PACSIN1: variants seen among roughly 807,000 people sequenced by gnomAD.
PACSIN1 encodes the protein protein kinase C and casein kinase substrate in neurons protein 1.
In PACSIN1, 15 loss-of-function variants were observed where a neutral mutation model predicts 59.5. That is an observed-to-expected ratio of 0.25 (90% CI 0.17 to 0.39). The LOEUF (loss-of-function observed/expected upper bound fraction) is 0.39, where lower values mean the gene tolerates loss of function less well. PACSIN1 is among the 10% of genes least tolerant of loss of function. PACSIN1 has a pLI of 1.00. For synonymous variants in PACSIN1, 210 were observed against 220.6 expected (o/e 0.95, Z 0.42); for missense variants, 420 against 580.2 (o/e 0.72, Z 2.84).
intron 1 of PACSIN1, among the ~76,000 whole-genome samples, chr6:34,489,462 G>A (rs751159628): frequency 4.6e-5 from 7 of 152,118 alleles, no homozygotes; most frequent in African/African-American, 9.7e-5. Flanking sequence ...GGTGAGACCC[G>A]CAGGCCTCCA....
At chr6:34,520,463 G>A (rs976818570) in intron 1 of PACSIN1, among the ~76,000 whole-genome samples, 1 of 152,170 alleles carries the variant, frequency 6.6e-6, no homozygotes, top group Non-Finnish European at 1.5e-5. Flanking sequence ...AGGAGCAGGG[G>A]CAGGGGAAGG....
rs1479669196 is a variant in PACSIN1 at position 34,533,413 on chromosome 6, C to A, written c.*883C>A. 1 of 152,320 alleles carries A rather than the reference C, an allele frequency of 6.6e-6. No individual in the cohort carries two copies. Among genetic ancestry groups the A allele is most frequent in the Non-Finnish European group, 1.5e-5 (1 of 68,106 alleles). The allele number at this position is 152,320 out of a possible 1,614,324, so 9.4% of individuals were successfully genotyped here. The stretch of plus-strand genomic sequence containing the variant: ...TGGCCTAGGGTGGGGACCCCCAAAC[C>A]TACGGCAAAGCCAGCAACAGTAGCA... On this transcript the variant is annotated 3_prime_UTR_variant, in exon 10 of 10. Transcript: ENST00000244458.
rs1324361586 is a variant in PACSIN1 at position 34,532,527 on chromosome 6, C to A, written c.1332C>A (p.Ile444=). Reference sequence around the variant, plus strand: ...ACCCTGCCAACTACGTGGAGGCTATCTAGAGGCCCCCTCCCTCCATACTCC... The same window carrying A: ...ACCCTGCCAACTACGTGGAGGCTATATAGAGGCCCCCTCCCTCCATACTCC... ...GLYPANYVEA[I] Residue 444 remains isoleucine, a synonymous_variant, in exon 10 of 10, where the codon ATC becomes ATA. Transcript: ENST00000244458. The surrounding 1 kb of genome is among the most constrained non-coding windows in gnomAD (Gnocchi z 5.2). 2 of 1,534,462 alleles carry A rather than the reference C, an allele frequency of 1.3e-6. No individual in the cohort carries two copies. Among genetic ancestry groups the A allele is most frequent in the Non-Finnish European group, 1.8e-6 (2 of 1,133,172 alleles).
Position 34,530,297 on chromosome 6 carries a change from G to A in PACSIN1, c.843G>A (p.Gln281=). ...LEQAIRGADA[Q]EDLRWFRSTS... is the part of the protein sequence containing the mutation. ...AGGCCATCCGGGGGGCTGATGCCCA[G>A]GAAGACCTCAGATGGTTCCGCAGCA... The change falls in exon 7 of 10, where the codon CAG becomes CAA. Residue 281 remains glutamine (Q), a synonymous_variant. Transcript: ENST00000244458. This position sits in a 1 kb window ranked among gnomAD's most constrained non-coding sequence, Gnocchi z 4.4. 1 of 1,614,136 alleles carries A rather than the reference G, an allele frequency of 6.2e-7. No homozygotes were observed. The highest frequency in any genetic ancestry group is 8.5e-7 in the Non-Finnish European group (1 of 1,180,008).
intron 1 of PACSIN1, among the ~76,000 whole-genome samples, chr6:34,474,456 G>T (rs1030026703): frequency 6.6e-6 from 1 of 152,064 alleles, no homozygotes; most frequent in Non-Finnish European, 1.5e-5. Context: ...CTCTGCTAAA[G>T]CTCTTCAATG....
chr6:34,525,097 G>A lies in PACSIN1; in HGVS notation c.-63-1146G>A, dbSNP rs1249740986. Among the ~76,000 whole-genome samples, 1 of 152,224 alleles carries A rather than the reference G, an allele frequency of 6.6e-6. No homozygotes were observed. Among genetic ancestry groups the A allele is most frequent in the African/African-American group, 2.4e-5 (1 of 41,454 alleles). On this transcript the variant is annotated intron_variant, in intron 1 of 9. Coordinates refer to ENST00000244458, the MANE Select transcript of PACSIN1 (RefSeq NM_020804.5). This position sits in a 1 kb window ranked among gnomAD's most constrained non-coding sequence, Gnocchi z 4.9. ...CTGCTTTATAAGTGAAAAGTGCCAA[G>A]TTAAGAAAAGAAAAATTCAGACTCA...
intron 1 of PACSIN1, among the ~76,000 whole-genome samples, chr6:34,487,790 A>T (rs1323774981): frequency 2.6e-5 from 4 of 152,164 alleles, no homozygotes; most frequent in Non-Finnish European, 5.9e-5. Flanking sequence ...CAATGCCCAG[A>T]GAGGGACTCA....
In PACSIN1 at chr6:34,529,394, C is replaced by G; in HGVS notation, c.457-3C>G. 1 of 1,614,120 alleles carries G rather than the reference C, an allele frequency of 6.2e-7. No homozygotes were observed. The highest frequency in any genetic ancestry group is 8.5e-7 in the Non-Finnish European group (1 of 1,180,018). On this transcript the variant is annotated splice_region_variant and splice_polypyrimidine_tract_variant and intron_variant, in intron 4 of 9. Transcript: ENST00000244458. This position sits in a 1 kb window ranked among gnomAD's most constrained non-coding sequence, Gnocchi z 6.3. ...CCTACTCCCTATTCCCCCCTCCCCACAGCTGGAGGCAGCCAAGAAGGCCTA... is the reference window on the plus strand; with the variant it reads ...CCTACTCCCTATTCCCCCCTCCCCAGAGCTGGAGGCAGCCAAGAAGGCCTA...
chr6:34,534,245 A>G lies in PACSIN1; in HGVS notation c.*1715A>G, dbSNP rs3734362. On this transcript the variant is annotated 3_prime_UTR_variant, in exon 10 of 10. Transcript: ENST00000244458. Reference sequence around the variant, plus strand: ...GCTCTGACCTTCTTCATGTGGGCACAGAGGGTCCTGACACTCTGGCAGGGC... The same window carrying G: ...GCTCTGACCTTCTTCATGTGGGCACGGAGGGTCCTGACACTCTGGCAGGGC... The G allele has an allele frequency of 0.051, 7,810 of 152,448 alleles. 374 individuals carry two copies. The highest frequency in any genetic ancestry group is 0.11 in the African/African-American group (4,732 of 41,548). The allele number at this position is 152,448 out of a possible 1,614,324, so 9.4% of individuals were successfully genotyped here.
chr6:34,480,935 G>T (rs1766709727), intron 1 of PACSIN1, among the ~76,000 whole-genome samples: 1 of 149,958 alleles, frequency 6.7e-6, no homozygotes, highest in Non-Finnish European at 1.5e-5. Flanking sequence ...TTAGAATTTA[G>T]TTTTCATTAT....
chr6:34,477,514 A>G (rs1345584059), intron 1 of PACSIN1, among the ~76,000 whole-genome samples: 2 of 152,146 alleles, frequency 1.3e-5, no homozygotes, highest in Non-Finnish European at 2.9e-5. Context: ...CCAGGGGCAC[A>G]GAAAGATGAG....
At chr6:34,485,797 G>A (rs1766784970) in intron 1 of PACSIN1, among the ~76,000 whole-genome samples, 1 of 152,214 alleles carries the variant, frequency 6.6e-6, no homozygotes, top group Non-Finnish European at 1.5e-5. Flanking sequence ...TGGTGTCTGA[G>A]GAGCCCAGAG....
rs1343300620 is a variant in PACSIN1 at position 34,521,372 on chromosome 6, C to T, written c.-63-4871C>T. Among the ~76,000 whole-genome samples, 1 of 152,156 alleles carries T rather than the reference C, an allele frequency of 6.6e-6. No homozygotes were observed. Among genetic ancestry groups the T allele is most frequent in the Non-Finnish European group, 1.5e-5 (1 of 68,016 alleles). On this transcript the variant is annotated intron_variant, in intron 1 of 9. Transcript: ENST00000244458. This position sits in a 1 kb window ranked among gnomAD's most constrained non-coding sequence, Gnocchi z 4.3. The stretch of plus-strand genomic sequence containing the variant: ...CCACACGAGGCCTGGCCTCTCCAGG[C>T]TCCTGCTCTTAATTCCTCTGTCCCT...
chr6:34,485,283 G>A (rs187669543), intron 1 of PACSIN1: 44 of 152,240 alleles, frequency 2.9e-4, no homozygotes, highest in African/African-American at 9.6e-4. Flanking sequence ...CATTATTTAT[G>A]TTTTAAAAAG....
In PACSIN1 at chr6:34,492,356, G is replaced by A. The variant is rs1461585114; in HGVS notation, c.-64+26086G>A. The stretch of plus-strand genomic sequence containing the variant: ...CCCTAGTAGCTGTAGCTACAGGCAC[G>A]CATCACCATGCCCAGCTAATTTTTA... On this transcript the variant is annotated intron_variant, in intron 1 of 9. Coordinates refer to ENST00000244458, the MANE Select transcript of PACSIN1 (RefSeq NM_020804.5). 6.6e-5 allele frequency among the ~76,000 whole-genome samples: 10 copies of A among 151,542 alleles called. No individual in the cohort carries two copies. The South Asian group carries it at 8.4e-4, about 13-fold the overall frequency.
At chr6:34,473,232 G>A (rs987879008) in intron 1 of PACSIN1, among the ~76,000 whole-genome samples, 25 of 122,136 alleles carry the variant, frequency 2.0e-4, no homozygotes, top group Non-Finnish European at 8.4e-5. Flanking sequence ...GGCGGGGGGC[G>A]GGGGGGTACA....
At chr6:34,503,266 C>CAA (rs200906223) in intron 1 of PACSIN1, among the ~76,000 whole-genome samples, 45 of 68,624 alleles carry the variant, frequency 6.6e-4, no homozygotes, top group African/African-American at 2.3e-3. Flanking sequence ...GAGATCCTGT[C>CAA]AAAAAAAAAA....
intron 1 of PACSIN1, among the ~76,000 whole-genome samples, chr6:34,466,774 G>A (rs372090978): frequency 6.6e-6 from 1 of 152,170 alleles, no homozygotes; most frequent in African/African-American, 2.4e-5. Context: ...GAGCGGGGAG[G>A]GGGGAGGAGG....
chr6:34,469,903 C>G (rs1766548174), intron 1 of PACSIN1, among the ~76,000 whole-genome samples: 1 of 152,180 alleles, frequency 6.6e-6, no homozygotes, highest in Non-Finnish European at 1.5e-5. Flanking sequence ...GGTGCCGTTT[C>G]CAGAAAAGGA....
Sources: gnomAD v4.1 joint callset for allele counts (sites outside exome capture counted in the v4.1 genomes callset) on GRCh38, gnomAD v4.1.1 for gene constraint, Gnocchi (gnomAD v3.1) non-coding constraint, MANE v1.5 for transcripts, NCBI Gene and HGNC (gene_info 2026-07-23, HGNC 2026-07-21) for gene names.